Variants in TRPA1 observed in about 807,000 individuals in gnomAD.
The protein encoded by TRPA1 is transient receptor potential cation channel subfamily A member 1.
In TRPA1, 129 loss-of-function variants were observed where a neutral mutation model predicts 131.3. The ratio of observed to expected loss-of-function variants is 0.98; its 90% CI spans 0.85 to 1.14. The LOEUF is 1.14. Ranked by LOEUF, TRPA1 falls within the 50% of genes most tolerant of loss-of-function variation. The probability of loss-of-function intolerance (pLI) is 0.00; values close to 1 mark genes in which losing one functional copy is unlikely to be tolerated. For missense variants in TRPA1, 1,304 were observed against 1,354.2 expected (o/e 0.96, Z 0.58); for synonymous variants, 441 against 451.7 (o/e 0.98, Z 0.30).
the TRPA1 span, among the ~76,000 whole-genome samples, chr8:72,083,776 A>AC: frequency 0.038 from 5,814 of 151,986 alleles, 374 homozygotes; most frequent in African/African-American, 0.13. Context: ...AACAAAAAAA[A>AC]ATTTTTCTGT....
chr8:72,050,145 C>T (rs1805463502), intron 15 of TRPA1, among the ~76,000 whole-genome samples: 1 of 152,072 alleles, frequency 6.6e-6, no homozygotes, highest in African/African-American at 2.4e-5. Context: ...ACCCTGTGTC[C>T]AAGTGTTCTC....
At chr8:72,084,796 T>A in the TRPA1 span, among the ~76,000 whole-genome samples, 1 of 151,558 alleles carries the variant, frequency 6.6e-6, no homozygotes, top group Non-Finnish European at 1.5e-5. Context: ...GGATTACAGG[T>A]GCCTGCCACC....
chr8:72,086,785 TATC>T, the TRPA1 span, among the ~76,000 whole-genome samples: 8 of 152,204 alleles, frequency 5.3e-5, no homozygotes, highest in Non-Finnish European at 2.9e-5. Flanking sequence ...TATTGGGAAA[TATC>T]ATTTCAATCC....
At chr8:72,053,995 T>TATTTATAAAAC in intron 12 of TRPA1, 128 bp from the exon 13 acceptor site, 2 of 690,432 alleles carry the variant, frequency 2.9e-6, no homozygotes, top group Non-Finnish European at 5.2e-6. Flanking sequence ...GGCAACTAAA[T>TATTTATAAAAC]ATTTATAAAA....
chr8:72,027,093 G>A (rs1420124191), intron 24 of TRPA1, among the ~76,000 whole-genome samples: 1 of 151,912 alleles, frequency 6.6e-6, no homozygotes, highest in Non-Finnish European at 1.5e-5. Context: ...ATAATTTCTA[G>A]GGTTCCTTTT....
chr8:72,031,037 C>T (rs1811795317), intron 23 of TRPA1, among the ~76,000 whole-genome samples: 1 of 152,150 alleles, frequency 6.6e-6, no homozygotes. Flanking sequence ...CTCTATGAGA[C>T]AAGGGATCTG....
chr8:72,061,774 T>A lies in TRPA1; in HGVS notation c.808-13A>T, dbSNP rs775030044. The A allele has an allele frequency of 4.0e-5, 64 of 1,613,634 alleles. No individual in the cohort carries two copies. In the Middle Eastern group the frequency reaches 1.3e-3, roughly 33 times the overall value. ...TGCACCTTCCCTTCTGTAAAGGGTT[T>A]TAATGCTAGAATCAATGTTTAAATC... On this transcript the variant is annotated splice_polypyrimidine_tract_variant and intron_variant, in intron 6 of 26. Coordinates refer to ENST00000262209, the MANE Select transcript of TRPA1 (RefSeq NM_007332.3).
At chr8:72,083,568 A>G in the TRPA1 span, among the ~76,000 whole-genome samples, 7 of 150,246 alleles carry the variant, frequency 4.7e-5, no homozygotes, top group African/African-American at 1.7e-4. Context: ...CCCCTTCTCT[A>G]CTAAAAATAC....
chr8:72,036,145 T>C, intron 21 of TRPA1, 143 bp downstream of exon 21: 1 of 808,712 alleles, frequency 1.2e-6, no homozygotes, highest in South Asian at 1.8e-5. Context: ...AGCCTTTCCT[T>C]AATAGGGTAT....
chr8:72,080,294 A>T (rs78898739), upstream of TRPA1, among the ~76,000 whole-genome samples: 5,822 of 151,926 alleles, frequency 0.038, 375 homozygotes, highest in African/African-American at 0.13. Context: ...GATGTCTATT[A>T]TCAGGTTGAG....
intron 25 of TRPA1, 139 bp downstream of exon 25, chr8:72,025,820 CT>C: frequency 9.4e-6 from 7 of 742,588 alleles, no homozygotes; most frequent in South Asian, 1.5e-5. Flanking sequence ...TAATCATATC[CT>C]TTTTTTAAAA....
At position 72,056,747 on chromosome 8, in the gene TRPA1, C is replaced by A. The variant is rs145765774; in HGVS notation, c.1194+170G>T. ...TTATCATTGTCATAATCATCACCAC[C>A]ACCACCATCACCATGTTGTAACTAA... On this transcript the variant is annotated intron_variant, in intron 10 of 26. Coordinates refer to ENST00000262209, the MANE Select transcript of TRPA1 (RefSeq NM_007332.3). 3.5e-4 allele frequency among the ~76,000 whole-genome samples: 54 copies of A among 152,210 alleles called. No individual in the cohort carries two copies. The East Asian group carries it at 5.0e-3, about 14-fold the overall frequency.
intron 4 of TRPA1, among the ~76,000 whole-genome samples, chr8:72,064,022 T>C (rs1245759541): frequency 6.6e-6 from 1 of 152,126 alleles, no homozygotes; most frequent in Non-Finnish European, 1.5e-5. Flanking sequence ...CTAATGAAGT[T>C]TCCTAACTAA....
intron 25 of TRPA1, among the ~76,000 whole-genome samples, chr8:72,025,671 C>A (rs894641755): frequency 6.6e-6 from 1 of 152,090 alleles, no homozygotes; most frequent in African/African-American, 2.4e-5. Context: ...AAAAAAGACA[C>A]TAAAAGGGTG....
rs944579483 is a variant in TRPA1 at position 72,061,638 on chromosome 8, T to G, written c.931A>C (p.Thr311Pro). The G allele has an allele frequency of 2.5e-6, 4 of 1,613,900 alleles. No homozygotes were observed. The Admixed American group carries it at 6.7e-5, about 27-fold the overall frequency. The change falls in exon 7 of 27, where the codon ACC (threonine) becomes CCC (proline). Residue 311 changes from threonine (T) to proline (P), a missense_variant. Physicochemically the swap from Thr to Pro is conservative, Grantham distance 38 (BLOSUM62 -1). Transcript: ENST00000262209. Reference sequence around the variant, plus strand: ...TAGGAAACTTGCCTGTGAAGCATGGTCTCATGACATCCATCGGTTGTGTTA... The same window carrying G: ...TAGGAAACTTGCCTGTGAAGCATGGGCTCATGACATCCATCGGTTGTGTTA... ...IVNTTDGCHE[T>P]MLHRASLFDH...
At position 72,065,492 on chromosome 8, in the gene TRPA1, T is replaced by G. The variant is rs199675787; in HGVS notation, c.511A>C (p.Ile171Leu). 1.2e-6 allele frequency: 2 copies of G among 1,613,636 alleles called. No individual in the cohort carries two copies. Among genetic ancestry groups the G allele is most frequent in the South Asian group, 2.2e-5 (2 of 91,084 alleles). ...EGENGNTAVI[I>L]ACTTNNSEAL... ...TCGCTATTATTTGTGGTGCACGCAATGATCACAGCTGTGTTTCCATTTTCT... is the reference window on the plus strand; with the variant it reads ...TCGCTATTATTTGTGGTGCACGCAAGGATCACAGCTGTGTTTCCATTTTCT... The change falls in exon 4 of 27, where the codon ATT (isoleucine) becomes CTT (leucine). Residue 171 changes from isoleucine (I) to leucine (L), a missense_variant. By Grantham distance (5) the Ile-to-Leu change is conservative. Transcript: ENST00000262209.
chr8:72,085,453 C>A, the TRPA1 span, among the ~76,000 whole-genome samples: 1 of 151,922 alleles, frequency 6.6e-6, no homozygotes, highest in Non-Finnish European at 1.5e-5. Flanking sequence ...CAGAAATGTT[C>A]ATAACAATGG....
chr8:72,033,507 G>A lies in TRPA1; in HGVS notation c.2868+137C>T, dbSNP rs199860902. 70 of 838,686 alleles carry A rather than the reference G, an allele frequency of 8.3e-5. No individual in the cohort carries two copies. In the Middle Eastern group the frequency reaches 1.5e-3, roughly 18 times the overall value. 52.0% of individuals were successfully genotyped at this position (838,686 alleles called of 1,614,324 possible). A position where few individuals can be genotyped will look rare whatever the true frequency, so the allele number is the denominator to read the frequency against. On this transcript the variant is annotated intron_variant, in intron 23 of 26. Coordinates refer to ENST00000262209, the MANE Select transcript of TRPA1 (RefSeq NM_007332.3). ...CTGGTGCTCCCCAGGCACCAAGTGA[G>A]TGTTGAACGAATAGATTTTGTAGTA...
intron 17 of TRPA1, among the ~76,000 whole-genome samples, chr8:72,045,399 T>C (rs1812394361): frequency 6.6e-6 from 1 of 151,746 alleles, no homozygotes; most frequent in Admixed American, 6.6e-5. Flanking sequence ...CTTTCTGCAA[T>C]GACGAAAATG....
Sources: allele counts gnomAD v4.1 joint callset (sites outside exome capture counted in the v4.1 genomes callset), GRCh38; gene constraint gnomAD v4.1.1; transcripts MANE v1.5; gene names NCBI Gene and HGNC (gene_info 2026-07-23, HGNC 2026-07-21).